The following CNTNAP2 variants were observed in gnomAD, a reference collection of about 807,000 sequenced individuals.
CNTNAP2 encodes the protein contactin associated protein 2, also known as contactin-associated protein-like 2.
CNTNAP2 carries 98 observed loss-of-function variants against 155.2 expected under a neutral mutation model. The observed-to-expected ratio is 0.63, with a 90% CI of 0.54 to 0.75. The LOEUF (loss-of-function observed/expected upper bound fraction) is 0.75. Ranked by LOEUF, CNTNAP2 falls within the 30% of genes least tolerant of loss-of-function variation. The pLI is 0.00. For synonymous variants in CNTNAP2, 651 were observed against 631.2 expected, an observed-to-expected ratio of 1.03 and a Z score of -0.47; for missense variants, 1,727 against 1,688.1, an observed-to-expected ratio of 1.02 and a Z score of -0.40.
chr7:146,163,575 ATCTATC>A (rs1414642364), intron 1 of CNTNAP2, among the ~76,000 whole-genome samples: 93 of 138,506 alleles, frequency 6.7e-4, no homozygotes, highest in African/African-American at 2.6e-3. Context: ...ATCTATATCT[ATCTATC>A]TATCTATATA....
chr7:147,864,228 C>A lies in CNTNAP2; in HGVS notation c.2099-39337C>A, dbSNP rs185459090. Among the ~76,000 whole-genome samples, 134 of 152,114 alleles carry A rather than the reference C, an allele frequency of 8.8e-4. 1 individual carries two copies. The highest frequency in any genetic ancestry group is 3.2e-3 in the African/African-American group (132 of 41,506). ...GTTTTTGTCAGGTTTGTCAAAGATC[C>A]AATGGTTATAGATGTGTGGTGTTAT... On this transcript the variant is annotated intron_variant, in intron 13 of 23. Coordinates refer to ENST00000361727, the MANE Select transcript of CNTNAP2 (RefSeq NM_014141.6).
intron 21 of CNTNAP2, among the ~76,000 whole-genome samples, chr7:148,308,692 A>T (rs1343314444): frequency 2.0e-5 from 3 of 152,154 alleles, no homozygotes; most frequent in Admixed American, 6.5e-5. Context: ...TGTCATCTAC[A>T]TTAGGTATTT....
rs551814023 is a variant in CNTNAP2, at chr7:147,368,019, C to G, written c.1499-27590C>G. On this transcript the variant is annotated intron_variant, in intron 9 of 23. Transcript: ENST00000361727. Reference sequence around the variant, plus strand: ...CTCTCTCTGTCTCTCTCTCTCCCCCCCCTCCCCCTCCTCCTCTGTCCCCCT... The same window carrying G: ...CTCTCTCTGTCTCTCTCTCTCCCCCGCCTCCCCCTCCTCCTCTGTCCCCCT... Among the ~76,000 whole-genome samples the G allele has an allele frequency of 3.7e-3, 370 of 99,544 alleles. 7 individuals are homozygous for G. The highest frequency in any genetic ancestry group is 0.017 in the African/African-American group (336 of 19,864). The allele number at this position is 99,544 out of a possible 152,430, so 65.3% of individuals were successfully genotyped here. A position where few individuals can be genotyped will look rare whatever the true frequency, so the allele number is the denominator to read the frequency against.
intron 1 of CNTNAP2, among the ~76,000 whole-genome samples, chr7:146,164,566 C>T (rs1186852125): frequency 1.3e-5 from 2 of 152,204 alleles, no homozygotes; most frequent in Non-Finnish European, 2.9e-5. Context: ...AACTTAATAA[C>T]AACTCTTGAT....
chr7:147,358,001 A>C (rs560493021), intron 9 of CNTNAP2, among the ~76,000 whole-genome samples: 1 of 152,262 alleles, frequency 6.6e-6, no homozygotes, highest in Non-Finnish European at 1.5e-5. Flanking sequence ...TTAGAACTTT[A>C]ATTGTAGTAT....
chr7:147,594,432 A>C (rs1185641014), intron 12 of CNTNAP2, among the ~76,000 whole-genome samples: 1 of 152,112 alleles, frequency 6.6e-6, no homozygotes, highest in Non-Finnish European at 1.5e-5. Context: ...CATATGTAAC[A>C]GTGAGCAAGT....
chr7:146,608,172 T>A (rs1029547281), intron 1 of CNTNAP2, among the ~76,000 whole-genome samples: 1 of 152,202 alleles, frequency 6.6e-6, no homozygotes, highest in Non-Finnish European at 1.5e-5. Flanking sequence ...CTCTTTTTCT[T>A]GCTGCCTGTC....
At chr7:146,877,522 T>A (rs970395045) in intron 3 of CNTNAP2, among the ~76,000 whole-genome samples, 1 of 151,390 alleles carries the variant, frequency 6.6e-6, no homozygotes, top group African/African-American at 2.4e-5. Flanking sequence ...TATATATATA[T>A]AAAATATGTG....
chr7:147,796,030 C>G (rs1182770824), intron 13 of CNTNAP2, among the ~76,000 whole-genome samples: 1 of 152,112 alleles, frequency 6.6e-6, no homozygotes, highest in Non-Finnish European at 1.5e-5. Context: ...TTGGCCCAAA[C>G]TACTCACTGG....
At chr7:146,639,627 C>A (rs1799671183) in intron 1 of CNTNAP2, among the ~76,000 whole-genome samples, 1 of 152,242 alleles carries the variant, frequency 6.6e-6, no homozygotes, top group South Asian at 2.1e-4. Context: ...CATTTCCCAA[C>A]CCCTCCTCCA....
intron 1 of CNTNAP2, among the ~76,000 whole-genome samples, chr7:146,593,920 A>C (rs184822217): frequency 6.6e-6 from 1 of 152,248 alleles, no homozygotes; most frequent in Non-Finnish European, 1.5e-5. Flanking sequence ...GAGTTAGTTT[A>C]GCCAGGTTCT....
At chr7:148,136,025 G>GA (rs1804939113) in intron 16 of CNTNAP2, among the ~76,000 whole-genome samples, 3 of 30,948 alleles carry the variant, frequency 9.7e-5, no homozygotes, top group African/African-American at 6.3e-4. Flanking sequence ...GGAAGGGAGG[G>GA]AGGGAGGGAG....
At chr7:147,832,543 C>A (rs982184954) in intron 13 of CNTNAP2, among the ~76,000 whole-genome samples, 13 of 139,676 alleles carry the variant, frequency 9.3e-5, no homozygotes, top group Non-Finnish European at 3.0e-5. Flanking sequence ...TTTTATATTT[C>A]AATATATTAT....
At chr7:146,812,176 G>A (rs1339715799) in intron 2 of CNTNAP2, among the ~76,000 whole-genome samples, 1 of 152,038 alleles carries the variant, frequency 6.6e-6, no homozygotes, top group Non-Finnish European at 1.5e-5. Flanking sequence ...GAAAATGTGG[G>A]AAAGCTCAGA....
At chr7:146,763,208 C>T (rs78808779) in intron 1 of CNTNAP2, among the ~76,000 whole-genome samples, 3,688 of 152,228 alleles carry the variant, frequency 0.024, 109 homozygotes, top group African/African-American at 0.071. Context: ...TCTGAACATA[C>T]CCACCTTGTT....
intron 1 of CNTNAP2, among the ~76,000 whole-genome samples, chr7:146,197,263 C>G (rs773971179): frequency 1.1e-4 from 17 of 152,050 alleles, no homozygotes; most frequent in Non-Finnish European, 2.2e-4. Flanking sequence ...TCACAAAAGA[C>G]AAAACAAAGG....
chr7:146,814,269 T>C (rs1803121832), intron 2 of CNTNAP2, among the ~76,000 whole-genome samples: 1 of 152,196 alleles, frequency 6.6e-6, no homozygotes, highest in African/African-American at 2.4e-5. Flanking sequence ...AGCCATTTCT[T>C]GGAGGTAGCC....
At chr7:146,486,131 C>A (rs1408979414) in intron 1 of CNTNAP2, among the ~76,000 whole-genome samples, 1 of 131,340 alleles carries the variant, frequency 7.6e-6, no homozygotes, top group Non-Finnish European at 1.6e-5. Context: ...GTGGCACGAT[C>A]TCAGCTCACT....
intron 1 of CNTNAP2, among the ~76,000 whole-genome samples, chr7:146,566,557 C>T (rs1798359272): frequency 6.6e-6 from 1 of 151,756 alleles, no homozygotes; most frequent in Non-Finnish European, 1.5e-5. Flanking sequence ...ATTAGCTGGG[C>T]GTGGTGGCAG....
Sources: allele counts gnomAD v4.1 joint callset (sites outside exome capture counted in the v4.1 genomes callset), GRCh38; gene constraint gnomAD v4.1.1; transcripts MANE v1.5; gene names NCBI Gene and HGNC (gene_info 2026-07-23, HGNC 2026-07-21).